The following CGNL1 variants were observed in gnomAD, a reference collection of about 807,000 sequenced individuals.
CGNL1 encodes cingulin like 1, also known as cingulin-like protein 1.
Under a neutral mutation model 141.2 loss-of-function variants are expected in CGNL1, and 132 were observed. The ratio of observed to expected loss-of-function variants is 0.93; its 90% CI spans 0.81 to 1.08. The LOEUF (loss-of-function observed/expected upper bound fraction) is 1.08. Among genes scored for constraint, CGNL1 ranks in the 50% least tolerant of loss-of-function variants. The pLI is 0.00. For synonymous variants in CGNL1, 690 were observed against 622.1 expected (o/e 1.11, Z -1.63); for missense variants, 1,870 against 1,588.6 (o/e 1.18, Z -3.01).
chr15:57,540,141 T>C (rs988510420), intron 14 of CGNL1, among the ~76,000 whole-genome samples: 1 of 152,180 alleles, frequency 6.6e-6, no homozygotes, highest in Non-Finnish European at 1.5e-5. Flanking sequence ...TTCTCTTTCT[T>C]ACCTCCTACT....
At chr15:57,508,440 T>G (rs1378345724) in intron 8 of CGNL1, among the ~76,000 whole-genome samples, 1 of 152,252 alleles carries the variant, frequency 6.6e-6, no homozygotes, top group Admixed American at 6.5e-5. Flanking sequence ...CCCATCACTT[T>G]ACATTACTAA....
At chr15:57,409,179 C>T (rs1434934715) in intron 1 of CGNL1, among the ~76,000 whole-genome samples, 4 of 152,138 alleles carry the variant, frequency 2.6e-5, no homozygotes, top group Non-Finnish European at 5.9e-5. Flanking sequence ...GGTCTGAAAT[C>T]TGGTCCAGGG....
At chr15:57,484,818 C>T (rs2063767500) in intron 8 of CGNL1, among the ~76,000 whole-genome samples, 1 of 152,060 alleles carries the variant, frequency 6.6e-6, no homozygotes, top group Non-Finnish European at 1.5e-5. Flanking sequence ...GTTTGGTTTT[C>T]TGTTCCTGTG....
intron 9 of CGNL1, among the ~76,000 whole-genome samples, chr15:57,517,386 C>G (rs2030900657): frequency 6.6e-6 from 1 of 152,128 alleles, no homozygotes; most frequent in African/African-American, 2.4e-5. Context: ...CTGATTTTAA[C>G]AAGCCAATTA....
intron 16 of CGNL1, among the ~76,000 whole-genome samples, chr15:57,545,233 A>G (rs1307479705): frequency 1.3e-5 from 2 of 152,034 alleles, no homozygotes; most frequent in African/African-American, 2.4e-5. Context: ...TACATTATCT[A>G]TTGTGTTAGT....
intron 14 of CGNL1, among the ~76,000 whole-genome samples, chr15:57,542,932 C>T (rs1277363344): frequency 1.3e-5 from 2 of 152,222 alleles, no homozygotes; most frequent in Non-Finnish European, 2.9e-5. Flanking sequence ...TTAGCTCCTT[C>T]TGAGGGTTGT....
chr15:57,416,095 C>A (rs1357207228), intron 1 of CGNL1, among the ~76,000 whole-genome samples: 1 of 152,014 alleles, frequency 6.6e-6, no homozygotes, highest in Admixed American at 6.6e-5. Flanking sequence ...CCTTCTAGTT[C>A]TTGAGTGTAC....
At chr15:57,529,782 T>C (rs907663498) in intron 13 of CGNL1, among the ~76,000 whole-genome samples, 1 of 152,228 alleles carries the variant, frequency 6.6e-6, no homozygotes, top group Admixed American at 6.5e-5. Flanking sequence ...GAATTCCTGA[T>C]TCAACTTTGC....
chr15:57,518,195 T>C (rs1258445172), intron 9 of CGNL1, among the ~76,000 whole-genome samples, 198 bp from the exon 10 acceptor site: 2 of 151,986 alleles, frequency 1.3e-5, no homozygotes, highest in Non-Finnish European at 2.9e-5. Context: ...CACACCTGCC[T>C]GAGAACTGGA....
chr15:57,438,968 C>G lies in CGNL1; in HGVS notation c.969C>G (p.Ala323=). ...LLDDQECAIH[A]DNVNRHENRR... is the part of the protein sequence containing the mutation. ...ATGATCAGGAATGTGCCATCCATGC[C>G]GACAACGTCAATCGTCATGAAAACA... Residue 323 remains alanine, a synonymous_variant, in exon 2 of 19, where the codon GCC becomes GCG. Coordinates refer to ENST00000281282, the MANE Select transcript of CGNL1 (RefSeq NM_032866.5). The G allele has an allele frequency of 6.2e-7, 1 of 1,614,160 alleles. No homozygotes were observed. The highest frequency in any genetic ancestry group is 8.5e-7 in the Non-Finnish European group (1 of 1,180,028).
intron 8 of CGNL1, among the ~76,000 whole-genome samples, chr15:57,469,868 G>C (rs1758246175): frequency 6.6e-6 from 1 of 152,312 alleles, no homozygotes; most frequent in African/African-American, 2.4e-5. Context: ...GCCAATGTCT[G>C]AAGAGGTTCT....
intron 15 of CGNL1, 113 bp from the exon 16 acceptor site, chr15:57,544,360 G>T: frequency 7.5e-7 from 1 of 1,330,336 alleles, no homozygotes; most frequent in Non-Finnish European, 1.0e-6. Flanking sequence ...GGTGTGGAAA[G>T]CAGCCTCATC....
intron 14 of CGNL1, among the ~76,000 whole-genome samples, chr15:57,538,464 T>A (rs1161370022): frequency 6.7e-6 from 1 of 148,770 alleles, no homozygotes; most frequent in African/African-American, 2.4e-5. Context: ...GATAAATAAT[T>A]CCTTTTTTTG....
At chr15:57,501,430 T>C (rs571503380) in intron 8 of CGNL1, among the ~76,000 whole-genome samples, 2 of 152,274 alleles carry the variant, frequency 1.3e-5, no homozygotes, top group African/African-American at 4.8e-5. Context: ...TCAGAAAATC[T>C]AGTGATGCCT....
chr15:57,500,082 C>G (rs1024066460), intron 8 of CGNL1, among the ~76,000 whole-genome samples: 4 of 152,080 alleles, frequency 2.6e-5, no homozygotes, highest in Non-Finnish European at 5.9e-5. Context: ...CTAGCAGTGA[C>G]TGGATGAGAA....
chr15:57,550,608 C>T lies in CGNL1; in HGVS notation c.*3118C>T, dbSNP rs572459381. The T allele has an allele frequency of 5.2e-5, 8 of 152,676 alleles. No individual in the cohort carries two copies. Among genetic ancestry groups the T allele is most frequent in the African/African-American group, 1.9e-4 (8 of 41,544 alleles). The allele number at this position is 152,676 out of a possible 1,614,324, so 9.5% of individuals were successfully genotyped here. On this transcript the variant is annotated 3_prime_UTR_variant, in exon 19 of 19. Coordinates refer to ENST00000281282, the MANE Select transcript of CGNL1 (RefSeq NM_032866.5). ...TCTCTGCTTTAGGGTATGGTTTGGT[C>T]GCTTTGGTTGTCATGAGAAAGAGAC...
At chr15:57,541,364 C>T (rs1055265469) in intron 14 of CGNL1, among the ~76,000 whole-genome samples, 6 of 152,364 alleles carry the variant, frequency 3.9e-5, no homozygotes, top group Non-Finnish European at 8.8e-5. Context: ...TTCTGCTGAC[C>T]TCCATGTGTG....
Position 57,523,547 on chromosome 15 carries a change from A to G in CGNL1, c.2774A>G (p.Glu925Gly), listed in dbSNP as rs1226588383. ...QKQLSEKLKE[E>G]SEQKEQLRRL... is the part of the protein sequence containing the mutation. ...CAGTTGTCTGAGAAGCTCAAAGAGG[A>G]GAGTGAGCAGAAGGAGCAGCTAAGA... The change falls in exon 11 of 19, where the codon GAG (glutamate) becomes GGG (glycine). Residue 925 changes from glutamate to glycine, a missense_variant. Glu to Gly is a moderately conservative substitution (Grantham distance 98). Coordinates refer to ENST00000281282, the MANE Select transcript of CGNL1 (RefSeq NM_032866.5). The G allele has an allele frequency of 6.2e-7, 1 of 1,614,048 alleles. No homozygotes were observed. Among genetic ancestry groups the G allele is most frequent in the Non-Finnish European group, 8.5e-7 (1 of 1,180,016 alleles).
chr15:57,452,516 A>G (rs2063334019), intron 6 of CGNL1, among the ~76,000 whole-genome samples: 1 of 152,226 alleles, frequency 6.6e-6, no homozygotes, highest in Non-Finnish European at 1.5e-5. Flanking sequence ...CTTGAAGTAT[A>G]CGTTACAAAG....
Sources: allele counts gnomAD v4.1 joint callset (sites outside exome capture counted in the v4.1 genomes callset), GRCh38; gene constraint gnomAD v4.1.1; transcripts MANE v1.5; gene names NCBI Gene and HGNC (gene_info 2026-07-23, HGNC 2026-07-21).